The following ZBTB16 variants were observed in gnomAD, a reference collection of about 807,000 sequenced individuals.
The protein encoded by ZBTB16 is zinc finger and BTB domain containing 16, also known as zinc finger and BTB domain-containing protein 16.
In ZBTB16, 8 loss-of-function variants were observed where a neutral mutation model predicts 56.8. That is an observed-to-expected ratio of 0.14 (90% CI 0.08 to 0.25). The LOEUF is 0.25. Ranked by LOEUF, ZBTB16 falls within the 10% of genes least tolerant of loss-of-function variation. The probability of loss-of-function intolerance (pLI) is 1.00; values close to 1 mark genes in which losing one functional copy is unlikely to be tolerated. For synonymous variants in ZBTB16, 363 were observed against 368.5 expected (o/e 0.98, Z 0.17); for missense variants, 625 against 903.0 (o/e 0.69, Z 3.95).
In ZBTB16 at chr11:114,252,778, A is replaced by AC. The variant is rs996311851; in HGVS notation, c.*2230dup. Among the ~76,000 whole-genome samples, 17 of 149,748 alleles carry AC rather than the reference A, an allele frequency of 1.1e-4. No homozygotes were observed. The highest frequency in any genetic ancestry group is 4.3e-4 in the South Asian group (2 of 4,664). On this transcript the variant is annotated 3_prime_UTR_variant, in exon 7 of 7. Transcript: ENST00000335953. ...CGGAGGGATGGGTGCTGCTGCGACG[A>AC]CCCCCCCGTCCCTCGGCCCCAGCCC...
chr11:114,110,696 A>G (rs1038260774), intron 2 of ZBTB16, among the ~76,000 whole-genome samples: 3 of 152,212 alleles, frequency 2.0e-5, no homozygotes, highest in Non-Finnish European at 4.4e-5. Flanking sequence ...ATTTGATTTT[A>G]TAGATTGGAA....
chr11:114,086,024 G>A (rs1407293147), intron 2 of ZBTB16, among the ~76,000 whole-genome samples: 1 of 152,080 alleles, frequency 6.6e-6, no homozygotes, highest in African/African-American at 2.4e-5. Flanking sequence ...GGTGGTGGTG[G>A]TAAAGAGCCT....
At chr11:114,066,873 C>T (rs575685163) in intron 2 of ZBTB16, among the ~76,000 whole-genome samples, 2 of 148,582 alleles carry the variant, frequency 1.3e-5, no homozygotes, top group African/African-American at 2.5e-5. Flanking sequence ...CGGGTTCAAG[C>T]GATTCTCCTG....
intron 4 of ZBTB16, among the ~76,000 whole-genome samples, chr11:114,192,936 T>C (rs598161): frequency 0.58 from 88,744 of 151,986 alleles, 26,376 homozygotes; most frequent in African/African-American, 0.67. Flanking sequence ...GGCAGGGGAG[T>C]AAGCTGAGTC....
At position 114,192,874 on chromosome 11, in the gene ZBTB16, C is replaced by T. The variant is rs114497173; in HGVS notation, c.1453+5836C>T. 2.5e-3 allele frequency among the ~76,000 whole-genome samples: 380 copies of T among 152,312 alleles called. 2 individuals carry two copies. The highest frequency in any genetic ancestry group is 8.4e-3 in the African/African-American group (351 of 41,564). On this transcript the variant is annotated intron_variant, in intron 4 of 6. Transcript: ENST00000335953. ...GCTTTGCCAAGCAGCTTAATTCTGT[C>T]CATCCAGATTAAATTTGCAGCAGCA...
At chr11:114,182,108 A>G (rs1411574756) in intron 3 of ZBTB16, among the ~76,000 whole-genome samples, 1 of 152,084 alleles carries the variant, frequency 6.6e-6, no homozygotes. Flanking sequence ...CTGGAGTGCA[A>G]TGGTGTGATC....
chr11:114,235,690 CTTTTCTTTCTTTCTTTTCTTTCTTTCTT>C, intron 4 of ZBTB16, among the ~76,000 whole-genome samples: 2 of 68,294 alleles, frequency 2.9e-5, no homozygotes, highest in South Asian at 1.1e-3. Flanking sequence ...TTCTTTCTTT[CTTTTCTTTCTTTCTTTTCTTTCTTTCTT>C]TTTCTTTCTT....
rs781238373 is a variant in ZBTB16, at chr11:114,064,537, C to T, written c.1237C>T (p.Leu413Phe). ...GEQCSVCGVE[L>F]PDNEAVEQHR... The stretch of plus-strand genomic sequence containing the variant: ...GCAGTGCAGCGTGTGTGGGGTCGAG[C>T]TTCCTGATAACGAGGCTGTGGAGCA... The change falls in exon 2 of 7, where the codon CTT (leucine) becomes TTT (phenylalanine). Residue 413 changes from leucine to phenylalanine, a missense_variant. Leu to Phe is a conservative substitution (Grantham distance 22). Coordinates refer to ENST00000335953, the MANE Select transcript of ZBTB16 (RefSeq NM_006006.6). This position sits in a 1 kb window ranked among gnomAD's most constrained non-coding sequence, Gnocchi z 4.2. The T allele has an allele frequency of 6.8e-6, 11 of 1,613,872 alleles. No homozygotes were observed. Among genetic ancestry groups the T allele is most frequent in the African/African-American group, 1.3e-5 (1 of 74,910 alleles).
intron 4 of ZBTB16, among the ~76,000 whole-genome samples, chr11:114,202,285 A>G (rs1233069500): frequency 6.6e-6 from 1 of 152,118 alleles, no homozygotes; most frequent in Non-Finnish European, 1.5e-5. Context: ...CATATGGGAG[A>G]CTTGGGGATC....
chr11:114,186,848 T>C, intron 3 of ZBTB16, 104 bp from the exon 4 acceptor site: 1 of 1,117,866 alleles, frequency 8.9e-7, no homozygotes, highest in Non-Finnish European at 1.3e-6. Flanking sequence ...TTTGCGGGTG[T>C]CCAGTCCCCT....
chr11:114,124,557 C>CAAAAAAAAAAAAAAAAAAAAAACA (rs1381254014), intron 2 of ZBTB16, among the ~76,000 whole-genome samples: 2 of 41,014 alleles, frequency 4.9e-5, no homozygotes, highest in Non-Finnish European at 9.9e-5. Context: ...AAAAAAAAAC[C>CAAAAAAAAAAAAAAAAAAAAAACA]AAAAAAAAAA....
chr11:114,191,113 G>A (rs1943483461), intron 4 of ZBTB16, among the ~76,000 whole-genome samples: 1 of 152,104 alleles, frequency 6.6e-6, no homozygotes, highest in African/African-American at 2.4e-5. Context: ...AGCACCAAGA[G>A]GTTGGTGCTA....
intron 4 of ZBTB16, chr11:114,209,929 C>A (rs915228264): frequency 1.0e-6 from 1 of 985,238 alleles, no homozygotes; most frequent in African/African-American, 1.7e-5. Flanking sequence ...GGAATGCAGC[C>A]ACAGGAACAA....
rs1274342460 is a variant in ZBTB16, at chr11:114,092,875, C to G, written c.1268+28307C>G. Among the ~76,000 whole-genome samples the G allele has an allele frequency of 2.0e-5, 3 of 152,088 alleles. No individual in the cohort carries two copies. The East Asian group carries it at 5.8e-4, about 29-fold the overall frequency. On this transcript the variant is annotated intron_variant, in intron 2 of 6. Coordinates refer to ENST00000335953, the MANE Select transcript of ZBTB16 (RefSeq NM_006006.6). Reference sequence around the variant, plus strand: ...ATCTTCCTCCCACCTTTCCCTGGCTCTTGAGGGTTCTTTGGGCATGTTCCC... The same window carrying G: ...ATCTTCCTCCCACCTTTCCCTGGCTGTTGAGGGTTCTTTGGGCATGTTCCC...
chr11:114,084,475 C>G (rs1038381895), intron 2 of ZBTB16, among the ~76,000 whole-genome samples: 4 of 152,068 alleles, frequency 2.6e-5, no homozygotes, highest in African/African-American at 9.7e-5. Flanking sequence ...TTAATTAGGG[C>G]TGAGAAATTC....
chr11:114,249,193 T>C (rs953869494), intron 6 of ZBTB16, among the ~76,000 whole-genome samples: 25 of 150,488 alleles, frequency 1.7e-4, no homozygotes, highest in African/African-American at 5.8e-4. Flanking sequence ...GTGGGGGAGC[T>C]CATGCCTATA....
intron 2 of ZBTB16, among the ~76,000 whole-genome samples, chr11:114,098,972 T>A (rs1313276280): frequency 6.6e-6 from 1 of 152,192 alleles, no homozygotes; most frequent in Admixed American, 6.5e-5. Context: ...AGTAAATATT[T>A]CGGACATCCT....
At chr11:114,187,111 T>G (rs750339832) in intron 4 of ZBTB16, 73 bp downstream of exon 4, 6 of 1,469,632 alleles carry the variant, frequency 4.1e-6, no homozygotes, top group Non-Finnish European at 5.7e-6. Context: ...ACTGTCTGGG[T>G]GGCAACCTCT....
intron 2 of ZBTB16, among the ~76,000 whole-genome samples, chr11:114,154,964 G>A (rs1337305335): frequency 6.6e-6 from 1 of 152,176 alleles, no homozygotes; most frequent in Non-Finnish European, 1.5e-5. Flanking sequence ...ACATGGTCTT[G>A]ACACACTGCT....
Sources: allele counts gnomAD v4.1 joint callset (sites outside exome capture counted in the v4.1 genomes callset), GRCh38; gene constraint gnomAD v4.1.1; non-coding constraint Gnocchi (gnomAD v3.1); transcripts MANE v1.5; gene names NCBI Gene and HGNC (gene_info 2026-07-23, HGNC 2026-07-21).